Variants in SMAD9 observed in about 807,000 individuals in gnomAD.
SMAD9 encodes MAD homolog 9.
In SMAD9, 36 loss-of-function variants were observed where a neutral mutation model predicts 46.1. That is an observed-to-expected ratio of 0.78 (90% CI 0.60 to 1.03). The LOEUF (loss-of-function observed/expected upper bound fraction) is 1.03. Among genes scored for constraint, SMAD9 ranks in the 50% least tolerant of loss-of-function variants. SMAD9 has a pLI of 0.00. For synonymous variants in SMAD9, 245 were observed against 237.1 expected, an observed-to-expected ratio of 1.03 and a Z score of -0.31; for missense variants, 572 against 599.8, an observed-to-expected ratio of 0.95 and a Z score of 0.48.
intron 1 of SMAD9, among the ~76,000 whole-genome samples, chr13:36,896,329 C>G (rs2058528603): frequency 6.6e-6 from 1 of 152,110 alleles, no homozygotes; most frequent in East Asian, 1.9e-4. Flanking sequence ...GACAAGGTCT[C>G]TTTATGTTTC....
chr13:36,860,172 G>A (rs937597875), intron 5 of SMAD9, among the ~76,000 whole-genome samples: 1 of 151,966 alleles, frequency 6.6e-6, no homozygotes, highest in Non-Finnish European at 1.5e-5. Flanking sequence ...ACCGCTTTCC[G>A]GTAACATCTC....
At chr13:36,911,550 G>A (rs2058661082) in intron 1 of SMAD9, among the ~76,000 whole-genome samples, 1 of 143,218 alleles carries the variant, frequency 7.0e-6, no homozygotes, top group Non-Finnish European at 1.5e-5. Flanking sequence ...AATGATGTGT[G>A]GGCAATTTTT....
At chr13:36,867,528 C>T (rs1436305331) in intron 3 of SMAD9, 145 bp from the exon 4 acceptor site, 13 of 546,456 alleles carry the variant, frequency 2.4e-5, no homozygotes, top group Non-Finnish European at 4.2e-5. Flanking sequence ...TAACAAGGCT[C>T]TTCTGAAGTG....
chr13:36,868,910 T>C (rs2058261562), intron 3 of SMAD9, among the ~76,000 whole-genome samples: 1 of 152,178 alleles, frequency 6.6e-6, no homozygotes, highest in African/African-American at 2.4e-5. Context: ...AAATGTGGTA[T>C]AGCCATACAA....
At chr13:36,849,437 A>T (rs1157095964) in intron 6 of SMAD9, 4 of 152,342 alleles carry the variant, frequency 2.6e-5, no homozygotes, top group Non-Finnish European at 5.9e-5. Flanking sequence ...CAGCCAAGTA[A>T]ATCAGTTCTG....
chr13:36,872,519 T>C, intron 3 of SMAD9, 139 bp downstream of exon 3: 2 of 1,031,354 alleles, frequency 1.9e-6, no homozygotes, highest in Admixed American at 1.9e-5. Flanking sequence ...GTCCTAATCA[T>C]TTTAAGGCTG....
intron 2 of SMAD9, among the ~76,000 whole-genome samples, chr13:36,878,244 T>C (rs2058366070): frequency 6.6e-6 from 1 of 152,202 alleles, no homozygotes; most frequent in African/African-American, 2.4e-5. Flanking sequence ...TCATGCACTG[T>C]GTAATCATGT....
At chr13:36,880,199 C>T (rs1462064833) in intron 1 of SMAD9, among the ~76,000 whole-genome samples, 1 of 152,230 alleles carries the variant, frequency 6.6e-6, no homozygotes, top group Non-Finnish European at 1.5e-5. Context: ...TCCTTTCTCT[C>T]CATTTCTGCC....
chr13:36,885,258 C>A (rs1240628477), intron 1 of SMAD9, among the ~76,000 whole-genome samples: 1 of 152,136 alleles, frequency 6.6e-6, no homozygotes, highest in Non-Finnish European at 1.5e-5. Flanking sequence ...TTATACTTTA[C>A]ACACAAGTAT....
intron 1 of SMAD9, among the ~76,000 whole-genome samples, chr13:36,914,292 G>A (rs569951390): frequency 3.3e-5 from 5 of 152,282 alleles, no homozygotes; most frequent in Admixed American, 1.3e-4. Context: ...GGCCGAGGCC[G>A]GCGGATCATG....
chr13:36,889,606 T>C (rs1038066911), intron 1 of SMAD9, among the ~76,000 whole-genome samples: 2 of 152,208 alleles, frequency 1.3e-5, no homozygotes, highest in Non-Finnish European at 2.9e-5. Context: ...ATTTTATGTA[T>C]ACACAAAATT....
At chr13:36,854,647 C>T (rs2058105932) in intron 5 of SMAD9, among the ~76,000 whole-genome samples, 1 of 152,184 alleles carries the variant, frequency 6.6e-6, no homozygotes, top group Non-Finnish European at 1.5e-5. Flanking sequence ...GCTGGGATTA[C>T]AGGCATGAGC....
intron 1 of SMAD9, among the ~76,000 whole-genome samples, chr13:36,908,313 T>C (rs968383218): frequency 2.0e-5 from 3 of 152,200 alleles, no homozygotes; most frequent in Non-Finnish European, 4.4e-5. Flanking sequence ...ATGCAAACTA[T>C]AAAATTTCTT....
intron 2 of SMAD9, among the ~76,000 whole-genome samples, chr13:36,874,854 CAAA>C (rs529721275): frequency 0.24 from 15,901 of 66,198 alleles, 574 homozygotes; most frequent in East Asian, 0.27. Context: ...GACTCCGTCC[CAAA>C]AAAAAAAAAA....
intron 5 of SMAD9, among the ~76,000 whole-genome samples, chr13:36,855,262 AAAAAAAAAAAAAAG>A (rs2058113114): frequency 6.6e-6 from 1 of 151,440 alleles, no homozygotes; most frequent in Admixed American, 6.6e-5. Flanking sequence ...AAAAAAAAAA[AAAAAAAAAAAAAAG>A]AAAAGCATCC....
intron 1 of SMAD9, among the ~76,000 whole-genome samples, chr13:36,888,462 C>T (rs552713300): frequency 1.3e-5 from 2 of 152,104 alleles, no homozygotes; most frequent in Non-Finnish European, 2.9e-5. Context: ...TATAAAGTAC[C>T]CAGTCTCAGG....
At chr13:36,885,327 G>A (rs980244107) in intron 1 of SMAD9, among the ~76,000 whole-genome samples, 2 of 151,912 alleles carry the variant, frequency 1.3e-5, no homozygotes, top group Non-Finnish European at 2.9e-5. Flanking sequence ...TATCACCATT[G>A]GCACACATAT....
intron 1 of SMAD9, among the ~76,000 whole-genome samples, chr13:36,916,596 A>G (rs1023987230): frequency 2.6e-5 from 4 of 152,206 alleles, no homozygotes; most frequent in Non-Finnish European, 4.4e-5. Context: ...TTGATAGAGT[A>G]CTATAAAGGG....
rs988398520 is a variant in SMAD9, at chr13:36,869,482, A to G, written c.671-2099T>C. Among the ~76,000 whole-genome samples the G allele has an allele frequency of 6.5e-4, 99 of 152,048 alleles. 1 individual carries two copies. The highest frequency in any genetic ancestry group is 2.3e-3 in the African/African-American group (96 of 41,526). On this transcript the variant is annotated intron_variant, in intron 3 of 6. Transcript: ENST00000379826. ...AGTGATCCGCCTGCCTAAGCCTCCCAAAGTGCTGGGATTACAGGCGGGAGC... is the reference window on the plus strand; with the variant it reads ...AGTGATCCGCCTGCCTAAGCCTCCCGAAGTGCTGGGATTACAGGCGGGAGC...
Sources: gnomAD v4.1 joint callset for allele counts (sites outside exome capture counted in the v4.1 genomes callset) on GRCh38, gnomAD v4.1.1 for gene constraint, MANE v1.5 for transcripts, NCBI Gene and HGNC (gene_info 2026-07-23, HGNC 2026-07-21) for gene names.